The following MNAT1 variants were observed in gnomAD, a reference collection of about 807,000 sequenced individuals.
MNAT1 encodes MNAT1 component of CDK activating kinase.
MNAT1 carries 43 observed loss-of-function variants against 42.0 expected under a neutral mutation model. The ratio of observed to expected loss-of-function variants is 1.02; its 90% CI spans 0.80 to 1.32. The LOEUF is 1.32. MNAT1 is among the 40% of genes most tolerant of loss of function. The probability of loss-of-function intolerance (pLI) is 0.00; values close to 1 mark genes in which losing one functional copy is unlikely to be tolerated. For missense variants in MNAT1, 306 were observed against 350.4 expected (o/e 0.87, Z 1.01); for synonymous variants, 118 against 120.0 (o/e 0.98, Z 0.11).
chr14:60,771,596 G>A (rs145522185), intron 1 of MNAT1, among the ~76,000 whole-genome samples: 3 of 152,266 alleles, frequency 2.0e-5, no homozygotes, highest in African/African-American at 7.2e-5. Context: ...TCCTTATAGC[G>A]TCCCTTCTGT....
At chr14:60,889,571 A>C (rs1381461153) in intron 7 of MNAT1, among the ~76,000 whole-genome samples, 2 of 152,248 alleles carry the variant, frequency 1.3e-5, no homozygotes, top group African/African-American at 2.4e-5. Flanking sequence ...ACACCAAAAA[A>C]AATGGCAACA....
chr14:60,895,014 A>G (rs909888338), intron 7 of MNAT1, among the ~76,000 whole-genome samples: 6 of 152,192 alleles, frequency 3.9e-5, no homozygotes, highest in Non-Finnish European at 7.3e-5. Context: ...ATCTACCAAA[A>G]TAGAATGTGT....
At chr14:60,927,821 T>C (rs550609579) in intron 7 of MNAT1, among the ~76,000 whole-genome samples, 4 of 152,074 alleles carry the variant, frequency 2.6e-5, no homozygotes, top group Non-Finnish European at 4.4e-5. Flanking sequence ...ATTTACCCAA[T>C]GAGTATCTCA....
At chr14:60,791,286 C>T (rs2031807631) in intron 1 of MNAT1, among the ~76,000 whole-genome samples, 1 of 152,018 alleles carries the variant, frequency 6.6e-6, no homozygotes, top group Non-Finnish European at 1.5e-5. Context: ...GGTAAACATG[C>T]TTTTTTAAAT....
At chr14:60,859,560 A>G (rs1035488297) in intron 6 of MNAT1, among the ~76,000 whole-genome samples, 2 of 152,226 alleles carry the variant, frequency 1.3e-5, no homozygotes, top group Non-Finnish European at 2.9e-5. Context: ...CTAAAAATTT[A>G]AAAACATTAA....
chr14:60,824,673 A>G (rs1185169594), intron 6 of MNAT1, among the ~76,000 whole-genome samples: 2 of 152,200 alleles, frequency 1.3e-5, no homozygotes, highest in Non-Finnish European at 2.9e-5. Flanking sequence ...CTCATTTGGG[A>G]AGATGAGAAA....
At chr14:60,947,988 A>C (rs2036313616) in intron 7 of MNAT1, among the ~76,000 whole-genome samples, 1 of 152,176 alleles carries the variant, frequency 6.6e-6, no homozygotes, top group Non-Finnish European at 1.5e-5. Context: ...AGCCCCATAG[A>C]GGCCCTCATA....
At chr14:60,900,048 A>ATCTC (rs61149455) in intron 7 of MNAT1, among the ~76,000 whole-genome samples, 69,878 of 135,874 alleles carry the variant, frequency 0.51, 18,159 homozygotes, top group Admixed American at 0.61. Flanking sequence ...CTGTTTCCCC[A>ATCTC]TCTCTCTCTC....
intron 7 of MNAT1, among the ~76,000 whole-genome samples, chr14:60,892,413 C>T (rs1008572767): frequency 6.6e-6 from 1 of 152,030 alleles, no homozygotes; most frequent in African/African-American, 2.4e-5. Context: ...TACCTCTGTT[C>T]TGTTTTTGTT....
Position 60,879,791 on chromosome 14 carries a change from A to G in MNAT1, c.765A>G (p.Thr255=). 2.5e-6 allele frequency: 4 copies of G among 1,613,356 alleles called. No homozygotes were observed. The highest frequency in any genetic ancestry group is 2.5e-6 in the Non-Finnish European group (3 of 1,179,480). ...LYEYQPLQIE[T]YGPHVPELEM... ...AATACCAGCCACTGCAGATAGAGAC[A>G]TATGGACCACATGTTCCTGAGCTTG... Residue 255 remains threonine (T), a synonymous_variant, in exon 7 of 8, where the codon ACA becomes ACG. Coordinates refer to ENST00000261245, the MANE Select transcript of MNAT1 (RefSeq NM_002431.4).
At chr14:60,942,175 T>G (rs1227831879) in intron 7 of MNAT1, among the ~76,000 whole-genome samples, 3 of 152,170 alleles carry the variant, frequency 2.0e-5, no homozygotes, top group Non-Finnish European at 4.4e-5. Flanking sequence ...TTTTTTCTGA[T>G]ATAAATGATT....
intron 6 of MNAT1, among the ~76,000 whole-genome samples, chr14:60,838,825 G>A (rs959642462): frequency 6.6e-6 from 1 of 152,136 alleles, no homozygotes; most frequent in Admixed American, 6.5e-5. Context: ...GCCTTTTCCT[G>A]CTCCCTGAGC....
At chr14:60,860,109 C>G (rs2034059571) in intron 6 of MNAT1, among the ~76,000 whole-genome samples, 1 of 152,052 alleles carries the variant, frequency 6.6e-6, no homozygotes, top group Non-Finnish European at 1.5e-5. Context: ...AACATTGTTT[C>G]TGCAGGAAGA....
At chr14:60,967,969 A>G (rs1377083167) in intron 7 of MNAT1, among the ~76,000 whole-genome samples, 2 of 152,166 alleles carry the variant, frequency 1.3e-5, no homozygotes, top group African/African-American at 4.8e-5. Flanking sequence ...AATATTTTAG[A>G]ATTATTTTTG....
chr14:60,864,767 A>C (rs1182710476), intron 6 of MNAT1, among the ~76,000 whole-genome samples: 1 of 151,792 alleles, frequency 6.6e-6, no homozygotes, highest in Non-Finnish European at 1.5e-5. Context: ...TGGTTTTATG[A>C]GTGTGATAGC....
intron 7 of MNAT1, among the ~76,000 whole-genome samples, chr14:60,899,214 T>C (rs907246377): frequency 6.6e-6 from 1 of 152,182 alleles, no homozygotes; most frequent in Admixed American, 6.6e-5. Flanking sequence ...AAGATATAGA[T>C]GCACGTACTT....
At chr14:60,879,864 G>T in intron 7 of MNAT1, 29 bp downstream of exon 7, 1 of 1,602,384 alleles carries the variant, frequency 6.2e-7, no homozygotes, top group Non-Finnish European at 8.5e-7. Context: ...TTTACATTGA[G>T]GAGCTGATAT....
At chr14:60,763,290 T>G (rs1299645439) in intron 1 of MNAT1, among the ~76,000 whole-genome samples, 1 of 152,226 alleles carries the variant, frequency 6.6e-6, no homozygotes, top group Non-Finnish European at 1.5e-5. Flanking sequence ...GACTTTTTAA[T>G]AAATGCAGCA....
chr14:60,735,273 G>A (rs1372848161), intron 1 of MNAT1, among the ~76,000 whole-genome samples: 1 of 152,168 alleles, frequency 6.6e-6, no homozygotes, highest in Non-Finnish European at 1.5e-5. Flanking sequence ...GATTAAAAGC[G>A]TGGGGGATTG....
Sources: allele counts gnomAD v4.1 joint callset (sites outside exome capture counted in the v4.1 genomes callset), GRCh38; gene constraint gnomAD v4.1.1; transcripts MANE v1.5; gene names NCBI Gene and HGNC (gene_info 2026-07-23, HGNC 2026-07-21).